Variants in NPAS3 observed in about 807,000 individuals in gnomAD.
NPAS3 encodes neuronal PAS domain-containing protein 3.
In NPAS3, 14 loss-of-function variants were observed where a neutral mutation model predicts 73.1. The observed-to-expected ratio is 0.19, with a 90% CI of 0.13 to 0.30. NPAS3 has a LOEUF of 0.30. Among genes scored for constraint, NPAS3 ranks in the 10% least tolerant of loss-of-function variants. The pLI is 1.00. For missense variants in NPAS3, 1,096 were observed against 1,250.0 expected (o/e 0.88, Z 1.86); for synonymous variants, 620 against 541.5 (o/e 1.14, Z -2.01).
At chr14:33,023,093 A>T (rs1053801627) in intron 1 of NPAS3, among the ~76,000 whole-genome samples, 2 of 131,724 alleles carry the variant, frequency 1.5e-5, no homozygotes, top group African/African-American at 2.8e-5. Context: ...ACACAAATTT[A>T]AAAAAAAAAG....
At chr14:32,959,581 C>G (rs560422905) in intron 1 of NPAS3, among the ~76,000 whole-genome samples, 2 of 152,262 alleles carry the variant, frequency 1.3e-5, no homozygotes, top group South Asian at 4.2e-4. Flanking sequence ...CTTCTGCAGC[C>G]TGCATGAATT....
At chr14:33,200,164 A>G (rs1388745152) in intron 2 of NPAS3, among the ~76,000 whole-genome samples, 3 of 150,782 alleles carry the variant, frequency 2.0e-5, no homozygotes, top group Non-Finnish European at 3.0e-5. Context: ...AAATGGATCT[A>G]TGTATTAGGT....
chr14:33,545,169 AC>A (rs1215237303), intron 4 of NPAS3, among the ~76,000 whole-genome samples: 1 of 151,954 alleles, frequency 6.6e-6, no homozygotes, highest in Non-Finnish European at 1.5e-5. Context: ...CTATGATGAA[AC>A]CTTATCTCAG....
intron 5 of NPAS3, 37 bp from the exon 6 acceptor site, chr14:33,676,171 TATA>T: frequency 1.9e-6 from 3 of 1,604,340 alleles, no homozygotes; most frequent in Non-Finnish European, 2.6e-6. Flanking sequence ...GAGAAGCCTA[TATA>T]ATGTCTTTCC....
chr14:33,681,607 T>TATATCTACA (rs1033543052), intron 6 of NPAS3, among the ~76,000 whole-genome samples: 49 of 152,340 alleles, frequency 3.2e-4, no homozygotes, highest in African/African-American at 1.1e-3. Flanking sequence ...TTATTGCCAA[T>TATATCTACA]ATATCTACAT....
intron 5 of NPAS3, among the ~76,000 whole-genome samples, chr14:33,661,321 T>C (rs997646579): frequency 6.6e-6 from 1 of 152,178 alleles, no homozygotes; most frequent in African/African-American, 2.4e-5. Flanking sequence ...TCAGTCTTAA[T>C]AAGCTTGGAG....
At chr14:33,492,833 C>T (rs1425663335) in intron 4 of NPAS3, among the ~76,000 whole-genome samples, 1 of 152,260 alleles carries the variant, frequency 6.6e-6, no homozygotes, top group East Asian at 1.9e-4. Flanking sequence ...TTCACCATGG[C>T]AATGATGGCA....
chr14:33,566,513 G>A (rs1050392792), intron 5 of NPAS3, among the ~76,000 whole-genome samples: 38 of 151,424 alleles, frequency 2.5e-4, no homozygotes, highest in African/African-American at 9.2e-4. Context: ...AATTATGAAC[G>A]AGCCAGGCAG....
intron 5 of NPAS3, among the ~76,000 whole-genome samples, chr14:33,609,289 G>A (rs903831647): frequency 6.6e-6 from 1 of 152,180 alleles, no homozygotes; most frequent in Non-Finnish European, 1.5e-5. Context: ...TTGCGGAGGG[G>A]TGTTGCATGA....
At chr14:33,230,107 A>G (rs2047791932) in intron 3 of NPAS3, among the ~76,000 whole-genome samples, 1 of 152,202 alleles carries the variant, frequency 6.6e-6, no homozygotes, top group South Asian at 2.1e-4. Flanking sequence ...TGATCCCCTC[A>G]CAGCAGAAAC....
chr14:33,424,278 A>G (rs914717911), intron 4 of NPAS3, among the ~76,000 whole-genome samples: 15 of 152,024 alleles, frequency 9.9e-5, no homozygotes, highest in African/African-American at 3.6e-4. Context: ...GCTTAGACTT[A>G]AAAGAAGGCT....
intron 7 of NPAS3, among the ~76,000 whole-genome samples, chr14:33,747,346 C>A (rs111312161): frequency 0.08 from 12,127 of 152,108 alleles, 1,072 homozygotes; most frequent in African/African-American, 0.22. Context: ...GAACAAAAAA[C>A]CAAACACTGC....
intron 4 of NPAS3, among the ~76,000 whole-genome samples, chr14:33,541,130 T>C (rs936966322): frequency 1.4e-5 from 2 of 145,336 alleles, no homozygotes; most frequent in African/African-American, 2.5e-5. Flanking sequence ...TGTGTGTGCA[T>C]GCACACACAC....
intron 3 of NPAS3, among the ~76,000 whole-genome samples, chr14:33,315,507 G>A (rs1304646800): frequency 5.4e-5 from 3 of 55,450 alleles, no homozygotes; most frequent in Non-Finnish European, 7.4e-5. Context: ...AGAGTGTGTC[G>A]GGGGGGGAGT....
intron 2 of NPAS3, among the ~76,000 whole-genome samples, chr14:33,194,815 G>T (rs2046292584): frequency 6.6e-6 from 1 of 152,156 alleles, no homozygotes; most frequent in Non-Finnish European, 1.5e-5. Flanking sequence ...CTAAAATAGG[G>T]GTTGGAGGTG....
intron 3 of NPAS3, chr14:33,215,656 A>AT: frequency 1.5e-6 from 1 of 686,226 alleles, no homozygotes; most frequent in Non-Finnish European, 2.6e-6. Context: ...CTGTCACTTT[A>AT]TATAAGATTT....
intron 3 of NPAS3, among the ~76,000 whole-genome samples, chr14:33,308,527 T>TATATATATATATATATACACACACAC: frequency 4.6e-4 from 48 of 103,648 alleles, no homozygotes; most frequent in African/African-American, 2.1e-3. Context: ...TATATATATA[T>TATATATATATATATATACACACACAC]ACATACACAC....
chr14:33,508,766 C>T (rs991803027), intron 4 of NPAS3, among the ~76,000 whole-genome samples: 9 of 151,976 alleles, frequency 5.9e-5, no homozygotes, highest in African/African-American at 2.2e-4. Context: ...ACACAATTTC[C>T]TAGGCCTCCC....
chr14:33,525,915 T>G (rs1455044146), intron 4 of NPAS3, among the ~76,000 whole-genome samples: 2 of 151,540 alleles, frequency 1.3e-5, no homozygotes, highest in Non-Finnish European at 2.9e-5. Flanking sequence ...AAAGAGGAAA[T>G]GGGGAAATAA....
Sources: allele counts gnomAD v4.1 joint callset (sites outside exome capture counted in the v4.1 genomes callset), GRCh38; gene constraint gnomAD v4.1.1; transcripts MANE v1.5; gene names NCBI Gene and HGNC (gene_info 2026-07-23, HGNC 2026-07-21).